BMERB1: variants seen among roughly 807,000 people sequenced by gnomAD.
BMERB1 encodes the protein bMERB domain-containing protein 1.
BMERB1 carries 12 observed loss-of-function variants against 23.6 expected under a neutral mutation model. The observed-to-expected ratio is 0.51, with a 90% CI of 0.33 to 0.82. BMERB1 has a LOEUF of 0.82. BMERB1 is among the 40% of genes least tolerant of loss of function. The pLI, the probability that BMERB1 is intolerant of heterozygous loss-of-function variation, is 0.03. For synonymous variants in BMERB1, 122 were observed against 96.6 expected (o/e 1.26, Z -1.54); for missense variants, 247 against 255.4 (o/e 0.97, Z 0.22).
At chr16:15,444,393 C>T (rs190146814) in intron 1 of BMERB1, among the ~76,000 whole-genome samples, 148 of 152,012 alleles carry the variant, frequency 9.7e-4, no homozygotes, top group Non-Finnish European at 1.8e-3. Context: ...TTAAGAATTC[C>T]GTCCTACTGT....
intron 2 of BMERB1, among the ~76,000 whole-genome samples, chr16:15,559,249 G>A (rs113390424): frequency 1.3e-5 from 2 of 152,290 alleles, no homozygotes; most frequent in African/African-American, 4.8e-5. Flanking sequence ...AAGAGAGCCT[G>A]GAAAAGTATG....
chr16:15,435,251 C>T (rs1282071690), intron 1 of BMERB1, among the ~76,000 whole-genome samples: 1 of 152,176 alleles, frequency 6.6e-6, no homozygotes, highest in African/African-American at 2.4e-5. Context: ...CCCAGCTTTT[C>T]CTCCCTCGCC....
chr16:15,574,966 C>T (rs1183800331), intron 3 of BMERB1, among the ~76,000 whole-genome samples: 1 of 152,178 alleles, frequency 6.6e-6, no homozygotes, highest in African/African-American at 2.4e-5. Flanking sequence ...GTACTTCCAG[C>T]TACTCGGGAG....
chr16:15,472,710 T>G (rs1205084724), intron 1 of BMERB1, among the ~76,000 whole-genome samples: 1 of 152,206 alleles, frequency 6.6e-6, no homozygotes, highest in East Asian at 1.9e-4. Flanking sequence ...GTCTTTAAAC[T>G]GATATATTTA....
Position 15,581,888 on chromosome 16 carries a change from T to C in BMERB1, c.419+557T>C, listed in dbSNP as rs532537656. 1.7e-4 allele frequency among the ~76,000 whole-genome samples: 26 copies of C among 152,278 alleles called. 1 individual carries two copies. On this transcript the variant is annotated intron_variant, in intron 4 of 5. Coordinates refer to ENST00000300006, the MANE Select transcript of BMERB1 (RefSeq NM_033201.3). ...AAATGTGGAAAGCTGTACATGTTGG[T>C]TCTTGATTTTTGTTTCCTTACACCA...
chr16:15,542,631 A>ATTTTT (rs927255507), intron 2 of BMERB1, among the ~76,000 whole-genome samples: 36 of 96,798 alleles, frequency 3.7e-4, no homozygotes, highest in East Asian at 1.3e-3. Flanking sequence ...CCTCCTAGGG[A>ATTTTT]TTTTTTTTTT....
At chr16:15,457,443 C>T (rs145451744) in intron 1 of BMERB1, among the ~76,000 whole-genome samples, 197 of 152,214 alleles carry the variant, frequency 1.3e-3, no homozygotes, top group African/African-American at 4.5e-3. Flanking sequence ...ATGAATCTTC[C>T]AAATAATTGA....
At chr16:15,457,541 A>G (rs2051096259) in intron 1 of BMERB1, among the ~76,000 whole-genome samples, 1 of 152,166 alleles carries the variant, frequency 6.6e-6, no homozygotes, top group Non-Finnish European at 1.5e-5. Context: ...TAAAACTCCT[A>G]GCTAACCATG....
At chr16:15,584,557 C>CA (rs35390787) in intron 5 of BMERB1, among the ~76,000 whole-genome samples, 59,790 of 124,788 alleles carry the variant, frequency 0.48, 13,340 homozygotes, top group Middle Eastern at 0.58. Context: ...GACTCCATCT[C>CA]AAAAAAAAAA....
At chr16:15,477,700 T>A (rs1236215259) in intron 1 of BMERB1, among the ~76,000 whole-genome samples, 1 of 150,738 alleles carries the variant, frequency 6.6e-6, no homozygotes, top group Non-Finnish European at 1.5e-5. Context: ...GGGAACTGGC[T>A]TTTCTTAGAG....
intron 2 of BMERB1, among the ~76,000 whole-genome samples, chr16:15,546,093 G>C (rs1208175980): frequency 6.6e-6 from 1 of 152,140 alleles, no homozygotes; most frequent in African/African-American, 2.4e-5. Context: ...TTTGAGACCA[G>C]ACTGGGCAAC....
At chr16:15,549,258 G>A (rs1214342129) in intron 2 of BMERB1, among the ~76,000 whole-genome samples, 3 of 149,902 alleles carry the variant, frequency 2.0e-5, no homozygotes, top group Non-Finnish European at 2.9e-5. Flanking sequence ...GGAATTGCTT[G>A]AACCCAGGAG....
chr16:15,508,873 A>T lies in BMERB1; in HGVS notation c.107-6432A>T, dbSNP rs1159213308. Among the ~76,000 whole-genome samples the T allele has an allele frequency of 3.3e-5, 5 of 151,920 alleles. No individual in the cohort carries two copies. The South Asian group carries it at 1.0e-3, about 32-fold the overall frequency. On this transcript the variant is annotated intron_variant, in intron 1 of 5. Transcript: ENST00000300006. ...AAAGATGAGGTTTACAATGAGCCCA[A>T]CACAGTGCCTGATGCAGAGACAGCT...
intron 3 of BMERB1, among the ~76,000 whole-genome samples, chr16:15,576,464 A>G (rs1294872187): frequency 6.6e-6 from 1 of 152,156 alleles, no homozygotes; most frequent in Non-Finnish European, 1.5e-5. Context: ...TCTGGCTGAA[A>G]GGTACAGAAA....
intron 1 of BMERB1, chr16:15,448,061 T>G: frequency 2.6e-6 from 1 of 382,286 alleles, no homozygotes; most frequent in South Asian, 1.9e-5. Context: ...AGCTAATTTT[T>G]GTACTTTTAG....
At chr16:15,459,767 A>T (rs1487678062) in intron 1 of BMERB1, among the ~76,000 whole-genome samples, 1 of 152,196 alleles carries the variant, frequency 6.6e-6, no homozygotes, top group African/African-American at 2.4e-5. Context: ...GAAGTGCACC[A>T]TAGTGGTGGT....
rs1035461196 is a variant in BMERB1, at chr16:15,481,522, A to G, written c.107-33783A>G. 3.3e-5 allele frequency among the ~76,000 whole-genome samples: 5 copies of G among 152,022 alleles called. No individual in the cohort carries two copies. In the East Asian group the frequency reaches 7.7e-4, roughly 24 times the overall value. On this transcript the variant is annotated intron_variant, in intron 1 of 5. Coordinates refer to ENST00000300006, the MANE Select transcript of BMERB1 (RefSeq NM_033201.3). ...AACCTGGGCGACAGAGTAAGACTCC[A>G]TCTCAAAAAAAAAACCCACCCAGGT...
At chr16:15,499,120 A>G (rs1212682127) in intron 1 of BMERB1, among the ~76,000 whole-genome samples, 1 of 152,174 alleles carries the variant, frequency 6.6e-6, no homozygotes, top group Non-Finnish European at 1.5e-5. Context: ...CAAATGGGCT[A>G]TCTTAGTTTC....
intron 2 of BMERB1, among the ~76,000 whole-genome samples, chr16:15,524,934 A>T (rs935061539): frequency 6.6e-6 from 1 of 152,158 alleles, no homozygotes; most frequent in Admixed American, 6.6e-5. Flanking sequence ...CCTCTGAACC[A>T]CCTAGACTCC....
Sources: allele counts gnomAD v4.1 joint callset (sites outside exome capture counted in the v4.1 genomes callset), GRCh38; gene constraint gnomAD v4.1.1; transcripts MANE v1.5; gene names NCBI Gene and HGNC (gene_info 2026-07-23, HGNC 2026-07-21).